The following VPS13B variants were observed in gnomAD, a reference collection of about 807,000 sequenced individuals.
VPS13B encodes vacuolar protein sorting 13 homolog B, also known as intermembrane lipid transfer protein VPS13B.
Under a neutral mutation model 426.4 loss-of-function variants are expected in VPS13B, and 285 were observed. That is an observed-to-expected ratio of 0.67 (90% CI 0.61 to 0.74). The LOEUF (loss-of-function observed/expected upper bound fraction) is 0.74. Among genes scored for constraint, VPS13B ranks in the 30% least tolerant of loss-of-function variants. The pLI is 0.00. For missense variants in VPS13B, 4,537 were observed against 4,782.6 expected, an observed-to-expected ratio of 0.95 and a Z score of 1.51; for synonymous variants, 1,676 against 1,676.4, an observed-to-expected ratio of 1.00 and a Z score of 0.01.
intron 30 of VPS13B, among the ~76,000 whole-genome samples, chr8:99,546,307 G>T (rs933878246): frequency 1.3e-5 from 2 of 150,736 alleles, no homozygotes; most frequent in African/African-American, 4.9e-5. Context: ...CTAATCTGTT[G>T]CCTTGGAATT....
chr8:99,204,714 CAAAAG>C (rs1362998368), intron 17 of VPS13B, among the ~76,000 whole-genome samples: 3 of 151,912 alleles, frequency 2.0e-5, no homozygotes, highest in Non-Finnish European at 4.4e-5. Context: ...AAACATTTCT[CAAAAG>C]AAGACATTTA....
intron 33 of VPS13B, among the ~76,000 whole-genome samples, chr8:99,602,701 C>T (rs913674211): frequency 2.0e-5 from 3 of 152,184 alleles, no homozygotes; most frequent in African/African-American, 7.2e-5. Flanking sequence ...GATACAAAAT[C>T]AATGTGCAAA....
intron 3 of VPS13B, among the ~76,000 whole-genome samples, chr8:99,076,732 T>C (rs1363459053): frequency 2.0e-5 from 3 of 152,046 alleles, no homozygotes; most frequent in Non-Finnish European, 4.4e-5. Flanking sequence ...CCTGTACTTC[T>C]AGTCTATGTG....
intron 34 of VPS13B, among the ~76,000 whole-genome samples, chr8:99,660,586 C>T (rs899468652): frequency 4.6e-5 from 7 of 151,934 alleles, no homozygotes; most frequent in African/African-American, 1.7e-4. Flanking sequence ...ATACAGCAGT[C>T]GTTTTTATTT....
intron 21 of VPS13B, among the ~76,000 whole-genome samples, chr8:99,412,364 C>T (rs1261208039): frequency 6.6e-6 from 1 of 152,126 alleles, no homozygotes; most frequent in Non-Finnish European, 1.5e-5. Flanking sequence ...TGATTTGGCT[C>T]TCTGTTTGTC....
chr8:99,601,417 G>A (rs1827294598), intron 33 of VPS13B, among the ~76,000 whole-genome samples: 1 of 152,144 alleles, frequency 6.6e-6, no homozygotes, highest in South Asian at 2.1e-4. Context: ...CATTCAGGTT[G>A]GTTCCAAGTC....
At chr8:99,257,495 C>T (rs1817808623) in intron 17 of VPS13B, among the ~76,000 whole-genome samples, 1 of 152,134 alleles carries the variant, frequency 6.6e-6, no homozygotes, top group African/African-American at 2.4e-5. Context: ...GTAATGTACT[C>T]ATTTTTATTC....
intron 29 of VPS13B, among the ~76,000 whole-genome samples, chr8:99,519,462 A>G (rs1312440431): frequency 6.6e-6 from 1 of 152,200 alleles, no homozygotes; most frequent in African/African-American, 2.4e-5. Flanking sequence ...GGATGTACCC[A>G]AAGGATTATA....
rs901196348 is a variant in VPS13B, at chr8:99,824,046, C to T, written c.9330+68C>T. 4 of 1,554,134 alleles carry T rather than the reference C, an allele frequency of 2.6e-6. No homozygotes were observed. In the African/African-American group the frequency reaches 5.4e-5, roughly 21 times the overall value. Reference sequence around the variant, plus strand: ...GAAACAATAAATAGGATCAACTTCTCTTTAACCTATAGCAAATGAAAAGCT... The same window carrying T: ...GAAACAATAAATAGGATCAACTTCTTTTTAACCTATAGCAAATGAAAAGCT... On this transcript the variant is annotated intron_variant, in intron 51 of 61. Transcript: ENST00000357162.
At chr8:99,841,883 T>C (rs1198128567) in intron 54 of VPS13B, among the ~76,000 whole-genome samples, 2 of 152,132 alleles carry the variant, frequency 1.3e-5, no homozygotes, top group Non-Finnish European at 2.9e-5. Flanking sequence ...CTCAAGTCTC[T>C]CTCTGTAACT....
At chr8:99,541,025 T>G (rs1823587821) in intron 30 of VPS13B, among the ~76,000 whole-genome samples, 1 of 152,176 alleles carries the variant, frequency 6.6e-6, no homozygotes, top group Non-Finnish European at 1.5e-5. Context: ...GTGACTTTTT[T>G]ATATGTTGCC....
At chr8:99,171,631 A>G (rs960567483) in intron 16 of VPS13B, among the ~76,000 whole-genome samples, 17 of 152,166 alleles carry the variant, frequency 1.1e-4, no homozygotes, top group African/African-American at 4.1e-4. Context: ...ATTCCAATTA[A>G]ATACTGAAAG....
intron 33 of VPS13B, among the ~76,000 whole-genome samples, chr8:99,629,510 T>C (rs1828751226): frequency 6.6e-6 from 1 of 152,096 alleles, no homozygotes; most frequent in African/African-American, 2.4e-5. Context: ...TACAGCATTG[T>C]AGGGAAGAGA....
At chr8:99,805,039 T>C (rs1488685890) in intron 43 of VPS13B, among the ~76,000 whole-genome samples, 1 of 150,282 alleles carries the variant, frequency 6.7e-6, no homozygotes, top group Non-Finnish European at 1.5e-5. Context: ...TTTTGATATA[T>C]AAATAATATA....
intron 39 of VPS13B, among the ~76,000 whole-genome samples, chr8:99,762,492 T>C (rs1810981841): frequency 1.3e-5 from 2 of 152,202 alleles, no homozygotes; most frequent in Non-Finnish European, 2.9e-5. Context: ...ATAGCATATA[T>C]GGAGGGCCAC....
Position 99,698,194 on chromosome 8 carries a change from C to A in VPS13B, c.6047-1331C>A, listed in dbSNP as rs117689620. Among the ~76,000 whole-genome samples the A allele has an allele frequency of 3.9e-3, 596 of 152,352 alleles. 3 individuals are homozygous for A. The highest frequency in any genetic ancestry group is 4.9e-3 in the Non-Finnish European group (332 of 68,028). On this transcript the variant is annotated intron_variant, in intron 35 of 61. Transcript: ENST00000357162. ...ATCATTCCATGGATATTCACTTAGTCTGGAATCCCAGAACCCCTCCACAGA... is the reference window on the plus strand; with the variant it reads ...ATCATTCCATGGATATTCACTTAGTATGGAATCCCAGAACCCCTCCACAGA...
intron 43 of VPS13B, among the ~76,000 whole-genome samples, chr8:99,802,990 C>T (rs1032225458): frequency 3.3e-5 from 5 of 152,176 alleles, no homozygotes; most frequent in African/African-American, 1.2e-4. Context: ...GTGCTTGACA[C>T]ATAATGTCTA....
At chr8:99,068,449 T>G (rs1287011911) in intron 3 of VPS13B, among the ~76,000 whole-genome samples, 1 of 152,228 alleles carries the variant, frequency 6.6e-6, no homozygotes, top group Non-Finnish European at 1.5e-5. Flanking sequence ...TGCCTGTTTT[T>G]GTAAATACAA....
At chr8:99,576,429 G>C (rs1040322767) in intron 32 of VPS13B, among the ~76,000 whole-genome samples, 2 of 151,068 alleles carry the variant, frequency 1.3e-5, no homozygotes, top group African/African-American at 2.4e-5. Context: ...GTCAATACTT[G>C]AGGAATAGAA....
Sources: allele counts gnomAD v4.1 joint callset (sites outside exome capture counted in the v4.1 genomes callset), GRCh38; gene constraint gnomAD v4.1.1; transcripts MANE v1.5; gene names NCBI Gene and HGNC (gene_info 2026-07-23, HGNC 2026-07-21).